The following DZANK1 variants were observed in gnomAD, a reference collection of about 807,000 sequenced individuals.
DZANK1 encodes the protein double zinc ribbon and ankyrin repeat-containing protein 1.
In DZANK1, 91 loss-of-function variants were observed where a neutral mutation model predicts 94.5. The ratio of observed to expected loss-of-function variants is 0.96; its 90% confidence interval spans 0.81 to 1.15. The LOEUF is 1.15. Ranked by LOEUF, DZANK1 falls within the 50% of genes most tolerant of loss-of-function variation. The pLI, the probability that DZANK1 is intolerant of heterozygous loss-of-function variation, is 0.00. For missense variants in DZANK1, 903 were observed against 916.4 expected (o/e 0.99, Z 0.19); for synonymous variants, 312 against 325.3 (o/e 0.96, Z 0.44).
chr20:18,395,899 G>A (rs1216620959), intron 15 of DZANK1, among the ~76,000 whole-genome samples: 2 of 152,216 alleles, frequency 1.3e-5, no homozygotes, highest in Non-Finnish European at 2.9e-5. Flanking sequence ...CAGGGCCCAT[G>A]CTTCTATCCC....
At chr20:18,427,706 G>A (rs1568958262) in intron 9 of DZANK1, among the ~76,000 whole-genome samples, 1 of 151,964 alleles carries the variant, frequency 6.6e-6, no homozygotes, top group Non-Finnish European at 1.5e-5. Context: ...TAAACAGAAA[G>A]ACCCTAGACC....
intron 9 of DZANK1, among the ~76,000 whole-genome samples, chr20:18,430,419 G>T (rs7266120): frequency 5.9e-5 from 9 of 152,304 alleles, no homozygotes; most frequent in Admixed American, 2.6e-4. Flanking sequence ...CATGTTGCTC[G>T]TAAAATCCCA....
intron 3 of DZANK1, among the ~76,000 whole-genome samples, chr20:18,458,425 C>T (rs1447215049): frequency 6.6e-6 from 1 of 152,194 alleles, no homozygotes; most frequent in Non-Finnish European, 1.5e-5. Flanking sequence ...AATACTGTCA[C>T]TCACAGATAG....
intron 13 of DZANK1, among the ~76,000 whole-genome samples, chr20:18,410,262 T>C (rs1568919693): frequency 6.6e-6 from 1 of 152,160 alleles, no homozygotes; most frequent in East Asian, 1.9e-4. Flanking sequence ...CATAATGTTA[T>C]ATTAGAAAAT....
chr20:18,456,583 C>T (rs912692261), intron 3 of DZANK1, among the ~76,000 whole-genome samples: 2 of 152,048 alleles, frequency 1.3e-5, no homozygotes, highest in Admixed American at 6.5e-5. Context: ...TCACTCCTAT[C>T]CAACCTCCTA....
chr20:18,409,240 G>A (rs1600822550), intron 13 of DZANK1, among the ~76,000 whole-genome samples: 1 of 152,030 alleles, frequency 6.6e-6, no homozygotes, highest in Admixed American at 6.6e-5. Context: ...GATCCACAGC[G>A]AGACACATTA....
At chr20:18,384,086 T>G in exon 21 of DZANK1, 1 of 181,132 alleles carries the variant, frequency 5.5e-6, no homozygotes, top group Non-Finnish European at 1.1e-5. Flanking sequence ...TGAGATGGAG[T>G]TTTGCTCTTG....
chr20:18,437,990 G>A lies in DZANK1; in HGVS notation c.748-4225C>T, dbSNP rs557840386. Among the ~76,000 whole-genome samples the A allele has an allele frequency of 3.7e-4, 56 of 151,980 alleles. 1 individual carries two copies. The highest frequency in any genetic ancestry group is 4.2e-4 in the South Asian group (2 of 4,810). On this transcript the variant is annotated intron_variant, in intron 8 of 20. Coordinates refer to ENST00000262547, the Ensembl canonical transcript of DZANK1. ...TCCCAGCACTTTGGGAGGCCGAGGC[G>A]GGCGGATCATGAGGTCAGGAGATCG...
chr20:18,396,288 T>A (rs974002757), intron 15 of DZANK1, among the ~76,000 whole-genome samples, 184 bp downstream of exon 15: 2 of 152,238 alleles, frequency 1.3e-5, no homozygotes, highest in South Asian at 2.1e-4. Context: ...TCTCACTATA[T>A]CTTCATGTGC....
chr20:18,451,950 G>GATA, intron 6 of DZANK1: 2 of 518,600 alleles, frequency 3.9e-6, no homozygotes, highest in Non-Finnish European at 7.7e-6. Context: ...ATGTAAATGG[G>GATA]ACTGTGTCTT....
intron 19 of DZANK1, among the ~76,000 whole-genome samples, chr20:18,385,518 C>A (rs775985912): frequency 1.3e-5 from 2 of 151,820 alleles, no homozygotes; most frequent in Non-Finnish European, 2.9e-5. Flanking sequence ...CAGGTTCAAG[C>A]GATTCTCCTG....
intron 7 of DZANK1, among the ~76,000 whole-genome samples, chr20:18,448,584 T>C (rs1308934512): frequency 5.9e-5 from 9 of 152,188 alleles, no homozygotes; most frequent in African/African-American, 1.9e-4. Flanking sequence ...TTTAAAAAGT[T>C]GGGGCCGGGT....
intron 6 of DZANK1, chr20:18,451,990 GA>G (rs1297289505): frequency 2.0e-6 from 1 of 511,448 alleles, no homozygotes; most frequent in African/African-American, 1.9e-5. Flanking sequence ...TTTACAATTA[GA>G]ATAGAATTCA....
chr20:18,396,689 CAG>C (rs2148258643), intron 14 of DZANK1, 143 bp from the exon 15 acceptor site: 2 of 569,546 alleles, frequency 3.5e-6, no homozygotes, highest in African/African-American at 1.9e-5. Flanking sequence ...AAAAGAAAAA[CAG>C]AGCAACAAAA....
At chr20:18,409,156 A>C (rs1163538913) in intron 13 of DZANK1, among the ~76,000 whole-genome samples, 1 of 152,048 alleles carries the variant, frequency 6.6e-6, no homozygotes, top group Non-Finnish European at 1.5e-5. Flanking sequence ...TACCCACAAA[A>C]ATTTTTTAAA....
chr20:18,389,550 G>T, intron 19 of DZANK1, 151 bp downstream of exon 19: 1 of 1,168,280 alleles, frequency 8.6e-7, no homozygotes, highest in Non-Finnish European at 1.2e-6. Context: ...AACAGAAGGC[G>T]TTAAGCCTCT....
chr20:18,430,797 G>A (rs547676953), intron 9 of DZANK1, among the ~76,000 whole-genome samples: 11 of 152,270 alleles, frequency 7.2e-5, no homozygotes, highest in Non-Finnish European at 1.6e-4. Context: ...CTAGGCGACA[G>A]AGTGAGATCC....
At chr20:18,394,128 A>C (rs2056184365) in intron 16 of DZANK1, 126 bp downstream of exon 16, 1 of 800,946 alleles carries the variant, frequency 1.2e-6, no homozygotes, top group Non-Finnish European at 2.0e-6. Context: ...GAGAAATAAA[A>C]CGTCTGGAAC....
chr20:18,446,532 C>G (rs978747840), intron 7 of DZANK1, among the ~76,000 whole-genome samples: 5 of 151,990 alleles, frequency 3.3e-5, no homozygotes, highest in Admixed American at 1.3e-4. Context: ...AATGCCTATG[C>G]TAGAAAAGAA....
Sources: allele counts gnomAD v4.1 joint callset (sites outside exome capture counted in the v4.1 genomes callset), GRCh38; gene constraint gnomAD v4.1.1; transcripts MANE v1.5; gene names NCBI Gene and HGNC (gene_info 2026-07-23, HGNC 2026-07-21).